DYM: variants seen among roughly 807,000 people sequenced by gnomAD.
DYM encodes dymeclin.
A neutral mutation model predicts 93.1 loss-of-function variants in DYM; 78 were observed. The ratio of observed to expected loss-of-function variants is 0.84; its 90% CI spans 0.70 to 1.01. The LOEUF (loss-of-function observed/expected upper bound fraction) is 1.01. DYM is among the 50% of genes least tolerant of loss of function. The pLI, the probability that DYM is intolerant of heterozygous loss-of-function variation, is 0.00. For synonymous variants in DYM, 321 were observed against 319.7 expected (o/e 1.00, Z -0.04); for missense variants, 789 against 845.0 (o/e 0.93, Z 0.82).
intron 13 of DYM, among the ~76,000 whole-genome samples, chr18:49,216,748 A>G (rs1215337051): frequency 6.6e-6 from 1 of 152,174 alleles, no homozygotes; most frequent in Non-Finnish European, 1.5e-5. Flanking sequence ...CCAAAAACCC[A>G]TCTGTACATC....
chr18:49,191,433 GA>G (rs547591781), intron 14 of DYM, among the ~76,000 whole-genome samples: 2 of 149,778 alleles, frequency 1.3e-5, no homozygotes, highest in African/African-American at 2.5e-5. Context: ...ACTTTGAGAA[GA>G]AAAAAAAATC....
In DYM at chr18:49,326,474, T is replaced by TAA. The variant is rs561655910; in HGVS notation, c.763+5388_763+5389dup. On this transcript the variant is annotated intron_variant, in intron 8 of 17. Transcript: ENST00000675505. ...CCACACTTGACACATTTGAAAAGCTTAAAAAAAAAAAACCTAAAATCTATA... is the reference window on the plus strand; with the variant it reads ...CCACACTTGACACATTTGAAAAGCTTAAAAAAAAAAAAAACCTAAAATCTATA... Among the ~76,000 whole-genome samples the TAA allele has an allele frequency of 4.1e-5, 6 of 144,890 alleles. No homozygotes were observed. In the South Asian group the frequency reaches 8.7e-4, roughly 21 times the overall value.
intron 2 of DYM, among the ~76,000 whole-genome samples, chr18:49,422,560 T>A (rs1236719641): frequency 6.6e-6 from 1 of 152,114 alleles, no homozygotes; most frequent in Admixed American, 6.6e-5. Context: ...TAACCTTAAA[T>A]GTAAATGGGC....
chr18:49,228,044 T>C (rs1316273535), intron 13 of DYM, among the ~76,000 whole-genome samples: 1 of 152,170 alleles, frequency 6.6e-6, no homozygotes, highest in African/African-American at 2.4e-5. Flanking sequence ...CAAAATGAAT[T>C]TGTAAATGGC....
At chr18:49,342,631 A>T (rs532227169) in intron 6 of DYM, among the ~76,000 whole-genome samples, 15 of 152,226 alleles carry the variant, frequency 9.9e-5, no homozygotes, top group Admixed American at 2.0e-4. Flanking sequence ...ATAAAAATAT[A>T]GTCATGGGTC....
At chr18:49,436,986 A>G (rs930018506) in intron 1 of DYM, among the ~76,000 whole-genome samples, 1 of 152,128 alleles carries the variant, frequency 6.6e-6, no homozygotes, top group South Asian at 2.1e-4. Context: ...TTTGGAATCA[A>G]CCTCCTCCTC....
intron 5 of DYM, among the ~76,000 whole-genome samples, chr18:49,365,605 A>C (rs1231363194): frequency 6.6e-6 from 1 of 152,144 alleles, no homozygotes; most frequent in Non-Finnish European, 1.5e-5. Context: ...GTCACTCCTT[A>C]ACTCATTCTA....
intron 8 of DYM, among the ~76,000 whole-genome samples, chr18:49,292,355 G>GACACACACACACACACACACACAC (rs57025579): frequency 3.5e-5 from 3 of 84,742 alleles, no homozygotes; most frequent in East Asian, 3.4e-4. Context: ...CAGACAGACA[G>GACACACACACACACACACACACAC]ACACACACAC....
intron 17 of DYM, among the ~76,000 whole-genome samples, chr18:49,091,979 GGTCT>G (rs1450314301): frequency 2.0e-5 from 3 of 151,882 alleles, no homozygotes; most frequent in Non-Finnish European, 2.9e-5. Context: ...CAATTTAATG[GGTCT>G]GACTAGCAAT....
intron 2 of DYM, among the ~76,000 whole-genome samples, chr18:49,422,398 A>C (rs906934595): frequency 3.3e-5 from 5 of 151,714 alleles, no homozygotes; most frequent in African/African-American, 2.4e-5. Context: ...TCATATCCAG[A>C]CAAACTAAGC....
chr18:49,067,449 A>G (rs1568366562), intron 17 of DYM, among the ~76,000 whole-genome samples: 2 of 45,724 alleles, frequency 4.4e-5, no homozygotes, highest in Admixed American at 2.8e-4. Flanking sequence ...GGGTGATGTG[A>G]GCACTATGGA....
intron 16 of DYM, among the ~76,000 whole-genome samples, chr18:49,098,150 C>T (rs377551086): frequency 6.6e-6 from 1 of 152,200 alleles, no homozygotes; most frequent in East Asian, 1.9e-4. Context: ...GAAAACAAAA[C>T]ATCATTTTTC....
At chr18:49,230,140 A>G (rs895621757) in intron 13 of DYM, among the ~76,000 whole-genome samples, 2 of 152,204 alleles carry the variant, frequency 1.3e-5, no homozygotes, top group African/African-American at 4.8e-5. Context: ...ATACATGACT[A>G]TATGTGTTTG....
intron 1 of DYM, 124 bp downstream of exon 1, chr18:49,460,274 T>C (rs1040942295): frequency 6.6e-6 from 1 of 151,938 alleles, no homozygotes; most frequent in Admixed American, 6.5e-5. Context: ...GAGGGTCCCT[T>C]CGCCGCCGCC....
chr18:49,210,014 C>A (rs2092707965), intron 13 of DYM, among the ~76,000 whole-genome samples: 1 of 152,112 alleles, frequency 6.6e-6, no homozygotes, highest in African/African-American at 2.4e-5. Flanking sequence ...TGAGACACCA[C>A]CACAGACTAT....
chr18:49,354,786 C>T (rs1263852018), intron 6 of DYM, among the ~76,000 whole-genome samples: 1 of 152,032 alleles, frequency 6.6e-6, no homozygotes, highest in Non-Finnish European at 1.5e-5. Flanking sequence ...CAAACGCTGA[C>T]AAGGATGTGG....
chr18:49,419,443 T>TA (rs1406548477), intron 2 of DYM, among the ~76,000 whole-genome samples: 1 of 152,054 alleles, frequency 6.6e-6, no homozygotes, highest in Admixed American at 6.6e-5. Context: ...CATAATAACT[T>TA]AAACTGTGAG....
chr18:49,384,103 T>C (rs1411721484), intron 3 of DYM, among the ~76,000 whole-genome samples: 1 of 150,922 alleles, frequency 6.6e-6, no homozygotes, highest in Admixed American at 6.6e-5. Context: ...GTGAGAGAAT[T>C]GCTTGTGGCC....
intron 6 of DYM, among the ~76,000 whole-genome samples, chr18:49,359,485 G>A (rs1447879573): frequency 6.6e-6 from 1 of 152,134 alleles, no homozygotes; most frequent in African/African-American, 2.4e-5. Flanking sequence ...CATTACAAAT[G>A]AACTCCTACA....
Sources: gnomAD v4.1 joint callset for allele counts (sites outside exome capture counted in the v4.1 genomes callset) on GRCh38, gnomAD v4.1.1 for gene constraint, MANE v1.5 for transcripts, NCBI Gene and HGNC (gene_info 2026-07-23, HGNC 2026-07-21) for gene names.